Variants in HECTD4 observed in about 807,000 individuals in gnomAD.
The protein encoded by HECTD4 is HECT domain E3 ubiquitin protein ligase 4, also known as probable E3 ubiquitin-protein ligase HECTD4.
Under a neutral mutation model 471.5 loss-of-function variants are expected in HECTD4, and 114 were observed. The observed-to-expected ratio is 0.24, with a 90% confidence interval of 0.21 to 0.28. The LOEUF (loss-of-function observed/expected upper bound fraction) is 0.28, where lower values mean the gene tolerates loss of function less well. HECTD4 is among the 10% of genes least tolerant of loss of function. The pLI is 1.00. For missense variants in HECTD4, 3,866 were observed against 5,651.5 expected, an observed-to-expected ratio of 0.68 and a Z score of 10.13; for synonymous variants, 2,012 against 2,256.0, an observed-to-expected ratio of 0.89 and a Z score of 3.07.
intron 13 of HECTD4, among the ~76,000 whole-genome samples, chr12:112,269,018 G>A (rs1237003530): frequency 6.6e-6 from 1 of 150,440 alleles, no homozygotes; most frequent in Non-Finnish European, 1.5e-5. Flanking sequence ...GGGACTACAG[G>A]AGCGCGCCAC....
At chr12:112,297,993 C>T (rs758240038) in intron 7 of HECTD4, among the ~76,000 whole-genome samples, 14 of 152,078 alleles carry the variant, frequency 9.2e-5, no homozygotes, top group Non-Finnish European at 1.9e-4. Flanking sequence ...AAGTGATCAA[C>T]CATGTCAAAT....
chr12:112,289,241 A>G (rs946015385), intron 7 of HECTD4, among the ~76,000 whole-genome samples: 8 of 152,148 alleles, frequency 5.3e-5, no homozygotes, highest in African/African-American at 1.9e-4. Flanking sequence ...CTGAGACTAC[A>G]GGTGTGAACC....
intron 7 of HECTD4, among the ~76,000 whole-genome samples, chr12:112,286,614 C>T (rs1004512183): frequency 6.6e-6 from 1 of 152,046 alleles, no homozygotes. Context: ...ATTGAAAGAG[C>T]CCAGGAAGGG....
intron 52 of HECTD4, among the ~76,000 whole-genome samples, chr12:112,204,857 G>A (rs986784999): frequency 7.9e-5 from 12 of 152,114 alleles, no homozygotes; most frequent in Admixed American, 6.6e-4. Flanking sequence ...CTAAGGCCAG[G>A]CACAGTGGCT....
intron 69 of HECTD4, chr12:112,169,988 C>G: frequency 1.9e-6 from 1 of 537,952 alleles, no homozygotes; most frequent in Non-Finnish European, 3.4e-6. Flanking sequence ...TGTCTATACG[C>G]TGTGGCAGAG....
intron 40 of HECTD4, 99 bp downstream of exon 40, chr12:112,230,588 G>C (rs778908572): frequency 3.7e-5 from 53 of 1,422,900 alleles, no homozygotes; most frequent in Non-Finnish European, 4.9e-5. Flanking sequence ...GATGAATTTG[G>C]AAAATTTCTC....
At chr12:112,341,126 C>A (rs2036046737) in intron 1 of HECTD4, among the ~76,000 whole-genome samples, 2 of 152,178 alleles carry the variant, frequency 1.3e-5, no homozygotes, top group South Asian at 2.1e-4. Context: ...GAACTTGGCA[C>A]ATAATAGATG....
intron 67 of HECTD4, among the ~76,000 whole-genome samples, chr12:112,171,844 CT>C (rs1179019963): frequency 4.6e-5 from 7 of 152,208 alleles, no homozygotes; most frequent in Non-Finnish European, 1.0e-4. Context: ...TAATGAACTG[CT>C]CGCCAATACC....
chr12:112,319,346 G>A lies in HECTD4; in HGVS notation c.574C>T (p.Leu192Phe). The A allele has an allele frequency of 6.5e-7, 1 of 1,536,146 alleles. No individual in the cohort carries two copies. Among genetic ancestry groups the A allele is most frequent in the Non-Finnish European group, 8.7e-7 (1 of 1,146,914 alleles). The change falls in exon 2 of 76, where the codon CTC (leucine) becomes TTC (phenylalanine). Residue 192 changes from leucine to phenylalanine, a missense_variant. Transcript: ENST00000682272. The surrounding 1 kb of genome is among the most constrained non-coding windows in gnomAD (Gnocchi z 5.3). ...LSLTKEPADC[L>F]NGIETLLCSW... ...CACAGCAAAGTTTCAATTCCATTGA[G>A]ACAGTCAGCAGGCTCCTTGGTCAAG...
chr12:112,164,373 G>T, intron 72 of HECTD4, 98 bp from the exon 73 acceptor site: 2 of 1,309,100 alleles, frequency 1.5e-6, no homozygotes, highest in Admixed American at 2.0e-5. Context: ...AGCTGGTGGG[G>T]TCTACCCTCG....
At chr12:112,276,735 C>A (rs1335204652) in intron 9 of HECTD4, among the ~76,000 whole-genome samples, 1 of 152,140 alleles carries the variant, frequency 6.6e-6, no homozygotes, top group Admixed American at 6.5e-5. Context: ...TGAGCCACTG[C>A]GCCTGGCCAA....
rs2031787947 is a variant in HECTD4 at position 112,184,498 on chromosome 12, T to C, written c.10468A>G (p.Ser3490Gly). Residue 3490 changes from serine (S) to glycine (G), a missense_variant, in exon 61 of 76, where the codon AGC becomes GGC. Around this residue, in one of 16 missense-constraint regions of HECTD4, gnomAD observed 192 missense variants for 189.9 expected, o/e 1.01. Transcript: ENST00000682272. This position sits in a 1 kb window ranked among gnomAD's most constrained non-coding sequence, Gnocchi z 9.1. Reference protein sequence around the residue: ...AMSISASASTSQASICSSQGI... With the variant: ...AMSISASASTGQASICSSQGI... ...TGCGAGCTGCAGATGGAGGCCTGGC[T>C]GGTGGAGGCGGAGGCGCTGATGCTC... 4 of 1,609,368 alleles carry C rather than the reference T, an allele frequency of 2.5e-6. No homozygotes were observed. The highest frequency in any genetic ancestry group is 3.4e-6 in the Non-Finnish European group (4 of 1,178,178).
At chr12:112,341,116 G>T (rs945041284) in intron 1 of HECTD4, among the ~76,000 whole-genome samples, 1 of 152,194 alleles carries the variant, frequency 6.6e-6, no homozygotes, top group Non-Finnish European at 1.5e-5. Context: ...AAGTGCCAGA[G>T]AACTTGGCAC....
intron 1 of HECTD4, among the ~76,000 whole-genome samples, chr12:112,335,494 C>T (rs1196102752): frequency 6.6e-6 from 1 of 152,236 alleles, no homozygotes; most frequent in East Asian, 1.9e-4. Flanking sequence ...AGTTCGAGAC[C>T]AGCCTGGCCA....
chr12:112,374,804 T>C (rs2036747675), intron 1 of HECTD4, among the ~76,000 whole-genome samples: 1 of 152,240 alleles, frequency 6.6e-6, no homozygotes, highest in South Asian at 2.1e-4. Flanking sequence ...ATTTAAAGCC[T>C]TGATGATTTC....
chr12:112,371,067 C>T (rs1293382594), intron 1 of HECTD4, among the ~76,000 whole-genome samples: 2 of 152,144 alleles, frequency 1.3e-5, no homozygotes, highest in African/African-American at 4.8e-5. Flanking sequence ...CCACAGTTAC[C>T]TTCAGACCTA....
At position 112,308,799 on chromosome 12, in the gene HECTD4, T is replaced by C. The variant is rs2035319519; in HGVS notation, c.1118A>G (p.Asn373Ser). The C allele has an allele frequency of 1.3e-6, 2 of 1,535,934 alleles. No individual in the cohort carries two copies. The highest frequency in any genetic ancestry group is 8.7e-7 in the Non-Finnish European group (1 of 1,146,862). The change falls in exon 6 of 76, where the codon AAT becomes AGT. Residue 373 changes from asparagine to serine, a missense_variant. Physicochemically the swap from Asn to Ser is conservative, Grantham distance 46 (BLOSUM62 1). Coordinates refer to ENST00000682272, the MANE Select transcript of HECTD4 (RefSeq NM_001388303.1). ...SLLHRPVSFD[N>S]KPHSLFQVID... ...GACCTGGAAAAGGGAGTGAGGTTTA[T>C]TATCGAAAGAGACAGGCCGGTGGAG...
chr12:112,164,516 C>T (rs745976753), intron 72 of HECTD4, among the ~76,000 whole-genome samples: 106 of 152,290 alleles, frequency 7.0e-4, no homozygotes, highest in Middle Eastern at 6.8e-3. Flanking sequence ...TTGGAGGCAG[C>T]GATCCTCTCT....
At chr12:112,254,219 C>G (rs747134609) in intron 21 of HECTD4, 57 bp from the exon 22 acceptor site, 1 of 1,590,140 alleles carries the variant, frequency 6.3e-7, no homozygotes, top group Non-Finnish European at 8.6e-7. Flanking sequence ...ACAACATCTA[C>G]AAATAAAAAG....
Sources: allele counts gnomAD v4.1 joint callset (sites outside exome capture counted in the v4.1 genomes callset), GRCh38; gene constraint gnomAD v4.1.1; regional missense constraint gnomAD v4.1.1; non-coding constraint Gnocchi (gnomAD v3.1); transcripts MANE v1.5; gene names NCBI Gene and HGNC (gene_info 2026-07-23, HGNC 2026-07-21).